SLC16A12: variants seen among roughly 807,000 people sequenced by gnomAD.
SLC16A12 encodes the protein solute carrier family 16 member 12, also known as monocarboxylate transporter 12.
In SLC16A12, 17 loss-of-function variants were observed where a neutral mutation model predicts 42.4. The observed-to-expected ratio is 0.40, with a 90% CI of 0.27 to 0.60. SLC16A12 has a LOEUF of 0.60. SLC16A12 is among the 20% of genes least tolerant of loss of function. The pLI is 0.42. For synonymous variants in SLC16A12, 224 were observed against 229.4 expected, an observed-to-expected ratio of 0.98 and a Z score of 0.21; for missense variants, 544 against 623.0, an observed-to-expected ratio of 0.87 and a Z score of 1.35.
chr10:89,459,545 T>G (rs1842260030), intron 3 of SLC16A12, among the ~76,000 whole-genome samples: 1 of 152,034 alleles, frequency 6.6e-6, no homozygotes, highest in Admixed American at 6.6e-5. Context: ...TGTATGTGTG[T>G]GTGTGTTTCA....
rs531535456 is a variant in SLC16A12 at position 89,438,166 on chromosome 10, G to A, written c.1028+438C>T. On this transcript the variant is annotated intron_variant, in intron 6 of 7. Coordinates refer to ENST00000371790, the MANE Select transcript of SLC16A12 (RefSeq NM_213606.4). ...TGCAATTTAGACACATCTGGCCCAT[G>A]ACATCTTTTTGTACTACCTGTGAAT... Among the ~76,000 whole-genome samples the A allele has an allele frequency of 3.1e-3, 430 of 137,546 alleles. 2 individuals are homozygous for A. The highest frequency in any genetic ancestry group is 0.011 in the African/African-American group (412 of 37,536). The allele number at this position is 137,546 out of a possible 152,430, so 90.2% of individuals were successfully genotyped here. A position where few individuals can be genotyped will look rare whatever the true frequency, so the allele number is the denominator to read the frequency against.
At chr10:89,538,799 T>G (rs1843695636), upstream of SLC16A12, among the ~76,000 whole-genome samples, 2 of 152,222 alleles carry the variant, frequency 1.3e-5, no homozygotes, top group African/African-American at 4.8e-5. Flanking sequence ...TGACAAAGAT[T>G]TTTTTCCTTG....
chr10:89,437,743 T>C (rs1009069120), intron 6 of SLC16A12, among the ~76,000 whole-genome samples: 3 of 152,160 alleles, frequency 2.0e-5, no homozygotes, highest in Non-Finnish European at 4.4e-5. Context: ...AGAAGCTACA[T>C]GATGGTATTA....
chr10:89,457,515 T>C (rs1317964193), intron 3 of SLC16A12, among the ~76,000 whole-genome samples: 2 of 152,152 alleles, frequency 1.3e-5, no homozygotes, highest in African/African-American at 4.8e-5. Flanking sequence ...TAGCAACACT[T>C]TTACACTATT....
At chr10:89,541,836 A>C (rs898493927) in intron 2 of SLC16A12, among the ~76,000 whole-genome samples, 1 of 152,154 alleles carries the variant, frequency 6.6e-6, no homozygotes, top group East Asian at 1.9e-4. Context: ...CCACTAGGTT[A>C]GGTTGTGCAA....
chr10:89,443,350 C>T (rs1235157521), intron 4 of SLC16A12, among the ~76,000 whole-genome samples: 1 of 152,160 alleles, frequency 6.6e-6, no homozygotes, highest in Non-Finnish European at 1.5e-5. Flanking sequence ...GTAAAAATGG[C>T]TCATGGTACT....
At chr10:89,477,564 C>CAA (rs34204051) in intron 2 of SLC16A12, among the ~76,000 whole-genome samples, 842 of 46,948 alleles carry the variant, frequency 0.018, 3 homozygotes, top group African/African-American at 0.023. Context: ...AACTCTGTCT[C>CAA]AAAAAAAAAA....
At chr10:89,489,258 T>C (rs1842811324) in intron 2 of SLC16A12, among the ~76,000 whole-genome samples, 2 of 152,332 alleles carry the variant, frequency 1.3e-5, no homozygotes, top group South Asian at 4.1e-4. Flanking sequence ...CCAAAAATCA[T>C]ATTCACCTTC....
At chr10:89,473,056 C>T (rs780475973) in intron 2 of SLC16A12, among the ~76,000 whole-genome samples, 2 of 150,392 alleles carry the variant, frequency 1.3e-5, no homozygotes, top group African/African-American at 2.4e-5. Context: ...TGGGCTCAAG[C>T]GATTCTCCTG....
intron 2 of SLC16A12, among the ~76,000 whole-genome samples, chr10:89,529,575 T>G: frequency 6.9e-6 from 1 of 144,808 alleles, no homozygotes; most frequent in Admixed American, 7.0e-5. Context: ...TTTGAGACAG[T>G]CTCTCTCTGT....
At chr10:89,510,129 GGATC>G (rs1843140327) in intron 2 of SLC16A12, among the ~76,000 whole-genome samples, 2 of 152,298 alleles carry the variant, frequency 1.3e-5, no homozygotes, top group Admixed American at 1.3e-4. Context: ...TGGATAGGAA[GGATC>G]AATATCGTGA....
rs76125926 is a variant in SLC16A12 at position 89,435,631 on chromosome 10, T to G, written c.1288+429A>C. ...CAGTCTCTGAAGAATAGAGCCCAGTTCCTCTGTCTGGCACCCAAAACACTC... is the reference window on the plus strand; with the variant it reads ...CAGTCTCTGAAGAATAGAGCCCAGTGCCTCTGTCTGGCACCCAAAACACTC... On this transcript the variant is annotated intron_variant, in intron 7 of 7. Coordinates refer to ENST00000371790, the MANE Select transcript of SLC16A12 (RefSeq NM_213606.4). 2.8e-3 allele frequency among the ~76,000 whole-genome samples: 433 copies of G among 152,328 alleles called. 4 individuals are homozygous for G. Among genetic ancestry groups the G allele is most frequent in the Admixed American group, 0.012 (186 of 15,302 alleles).
At chr10:89,457,615 C>CT (rs1314365377) in intron 3 of SLC16A12, among the ~76,000 whole-genome samples, 3 of 151,846 alleles carry the variant, frequency 2.0e-5, no homozygotes, top group East Asian at 1.9e-4. Flanking sequence ...AAGTGTGATT[C>CT]TTTTTTTTAT....
chr10:89,515,886 T>C (rs547682736), intron 2 of SLC16A12, among the ~76,000 whole-genome samples: 4 of 152,290 alleles, frequency 2.6e-5, no homozygotes, highest in Admixed American at 6.5e-5. Context: ...ATAGCAAAAC[T>C]AGAATTAAAT....
chr10:89,547,713 G>A (rs1843749363), intron 2 of SLC16A12, among the ~76,000 whole-genome samples: 1 of 152,062 alleles, frequency 6.6e-6, no homozygotes, highest in Non-Finnish European at 1.5e-5. Context: ...AGAAGAGGTG[G>A]AGGCCAGGCA....
At chr10:89,538,967 C>T (rs117238918), upstream of SLC16A12, among the ~76,000 whole-genome samples, 4 of 152,328 alleles carry the variant, frequency 2.6e-5, no homozygotes, top group East Asian at 7.7e-4. Flanking sequence ...CTCCACTGTC[C>T]TCCAGGTGAT....
chr10:89,501,992 C>T (rs183565709), intron 2 of SLC16A12, among the ~76,000 whole-genome samples: 42 of 152,180 alleles, frequency 2.8e-4, no homozygotes, highest in African/African-American at 5.5e-4. Context: ...AACTGGAAAA[C>T]GAATTGTCTC....
chr10:89,530,036 T>C (rs1426080301), intron 2 of SLC16A12, among the ~76,000 whole-genome samples: 1 of 152,230 alleles, frequency 6.6e-6, no homozygotes, highest in African/African-American at 2.4e-5. Context: ...TGATACAACA[T>C]ATTTTGAACA....
intron 2 of SLC16A12, among the ~76,000 whole-genome samples, chr10:89,468,463 G>A (rs1300739156): frequency 6.6e-6 from 1 of 152,182 alleles, no homozygotes; most frequent in African/African-American, 2.4e-5. Flanking sequence ...TTTGGATGAT[G>A]CACTTGTCCA....
Sources: gnomAD v4.1 joint callset for allele counts (sites outside exome capture counted in the v4.1 genomes callset) on GRCh38, gnomAD v4.1.1 for gene constraint, MANE v1.5 for transcripts, NCBI Gene and HGNC (gene_info 2026-07-23, HGNC 2026-07-21) for gene names.